Variants in LIX1 observed in about 807,000 individuals in gnomAD.
LIX1 encodes the protein limb and CNS expressed 1.
LIX1 carries 24 observed loss-of-function variants against 33.4 expected under a neutral mutation model. The ratio of observed to expected loss-of-function variants is 0.72; its 90% CI spans 0.52 to 1.01. LIX1 has a LOEUF of 1.01. Ranked by LOEUF, LIX1 falls within the 50% of genes least tolerant of loss-of-function variation. The pLI is 0.00. For missense variants in LIX1, 311 were observed against 339.2 expected (o/e 0.92, Z 0.65); for synonymous variants, 124 against 124.0 (o/e 1.00, Z 0.00).
At position 97,124,639 on chromosome 5, in the gene LIX1, A is replaced by T; in HGVS notation, c.83-10T>A. The T allele has an allele frequency of 6.2e-7, 1 of 1,603,212 alleles. No homozygotes were observed. The highest frequency in any genetic ancestry group is 8.5e-7 in the Non-Finnish European group (1 of 1,173,750). Reference sequence around the variant, plus strand: ...ATTGACACAACGTTCACTGAAAAAGACAAGAAACACCATCAGTTATTAAGG... The same window carrying T: ...ATTGACACAACGTTCACTGAAAAAGTCAAGAAACACCATCAGTTATTAAGG... On this transcript the variant is annotated splice_polypyrimidine_tract_variant and intron_variant, in intron 1 of 5. Coordinates refer to ENST00000274382, the MANE Select transcript of LIX1 (RefSeq NM_153234.5).
intron 1 of LIX1, among the ~76,000 whole-genome samples, chr5:97,131,736 C>T (rs193177381): frequency 6.6e-6 from 1 of 152,342 alleles, no homozygotes; most frequent in East Asian, 1.9e-4. Context: ...TCGACATAGT[C>T]TAAACAGCTT....
intron 1 of LIX1, chr5:97,137,120 C>A (rs1278015889): frequency 2.2e-6 from 1 of 445,714 alleles, no homozygotes; most frequent in Non-Finnish European, 4.5e-6. Context: ...GCATCTGTAT[C>A]CTATTATGGG....
At chr5:97,138,473 A>T (rs1437471191) in intron 1 of LIX1, among the ~76,000 whole-genome samples, 1 of 152,178 alleles carries the variant, frequency 6.6e-6, no homozygotes, top group Admixed American at 6.5e-5. Context: ...AACCAATGTC[A>T]ATATAAACTT....
At chr5:97,130,673 T>C (rs1429860766) in intron 1 of LIX1, among the ~76,000 whole-genome samples, 3 of 152,210 alleles carry the variant, frequency 2.0e-5, no homozygotes, top group Admixed American at 2.0e-4. Context: ...ATCAAATCCC[T>C]TGCTGAGGCA....
intron 1 of LIX1, among the ~76,000 whole-genome samples, chr5:97,140,980 A>G (rs1207465747): frequency 1.3e-5 from 2 of 152,230 alleles, no homozygotes; most frequent in African/African-American, 2.4e-5. Flanking sequence ...AACTTAATGT[A>G]TGCTTTATTG....
In LIX1 at chr5:97,105,201, G is replaced by T; in HGVS notation, c.472C>A (p.Leu158Met). ...AGGCAGGCAGGTACCTGAAACTCCAGCATAGTCTTCCCCATGTTTGACTCC... is the reference window on the plus strand; with the variant it reads ...AGGCAGGCAGGTACCTGAAACTCCATCATAGTCTTCCCCATGTTTGACTCC... ...MLESNMGKTMLEFQELMTIFQ... is the reference protein window; with the variant it reads ...MLESNMGKTMMEFQELMTIFQ... The change falls in exon 4 of 6, where the codon CTG (leucine) becomes ATG (methionine). Residue 158 changes from leucine to methionine, a missense_variant. By Grantham distance (15) the Leu-to-Met change is conservative. Transcript: ENST00000274382. 1 of 1,613,962 alleles carries T rather than the reference G, an allele frequency of 6.2e-7. No individual in the cohort carries two copies. The highest frequency in any genetic ancestry group is 8.5e-7 in the Non-Finnish European group (1 of 1,179,832).
chr5:97,137,117 T>A (rs1261558667), intron 1 of LIX1: 10 of 446,934 alleles, frequency 2.2e-5, no homozygotes, highest in Non-Finnish European at 2.7e-5. Context: ...TATGCATCTG[T>A]ATCCTATTAT....
At chr5:97,102,720 A>G (rs1746775728) in intron 4 of LIX1, among the ~76,000 whole-genome samples, 1 of 150,934 alleles carries the variant, frequency 6.6e-6, no homozygotes, top group African/African-American at 2.4e-5. Flanking sequence ...CTTGGAAGGA[A>G]TTTTAAGACT....
At chr5:97,101,420 T>A (rs1746691624) in intron 4 of LIX1, among the ~76,000 whole-genome samples, 1 of 152,172 alleles carries the variant, frequency 6.6e-6, no homozygotes, top group African/African-American at 2.4e-5. Flanking sequence ...TGCTCTGCTA[T>A]CTTGAAATTC....
chr5:97,105,390 A>G, intron 3 of LIX1, 105 bp from the exon 4 acceptor site: 1 of 843,518 alleles, frequency 1.2e-6, no homozygotes, highest in Non-Finnish European at 1.9e-6. Context: ...TTTTTGGTCT[A>G]ACCTGAACAG....
At chr5:97,103,047 A>G (rs1746802788) in intron 4 of LIX1, 1 of 453,998 alleles carries the variant, frequency 2.2e-6, no homozygotes, top group Admixed American at 2.4e-5. Context: ...GAGTCTCAGA[A>G]TGGACAAGCT....
chr5:97,126,323 T>C (rs1045843760), intron 1 of LIX1, among the ~76,000 whole-genome samples: 1 of 152,188 alleles, frequency 6.6e-6, no homozygotes, highest in Non-Finnish European at 1.5e-5. Context: ...GGCAAAATCA[T>C]TGTATAGCCA....
At chr5:97,140,327 G>T (rs1165621922) in intron 1 of LIX1, among the ~76,000 whole-genome samples, 1 of 152,184 alleles carries the variant, frequency 6.6e-6, no homozygotes, top group South Asian at 2.1e-4. Flanking sequence ...AGGAAAGTAA[G>T]GTAGCAATTT....
Position 97,107,483 on chromosome 5 carries a change from G to T in LIX1, c.264C>A (p.Ala88=), listed in dbSNP as rs536009189. 48 of 1,613,958 alleles carry T rather than the reference G, an allele frequency of 3.0e-5. No individual in the cohort carries two copies. Among genetic ancestry groups the T allele is most frequent in the Non-Finnish European group, 3.9e-5 (46 of 1,179,998 alleles). ...FGNFQCCLSR[A]EARRDAAKVA... The stretch of plus-strand genomic sequence containing the variant: ...CTTTAGCTGCATCCCGCCTGGCCTC[G>T]GCTCTACTTAAGCAGCACTTGAGAA... Residue 88 remains alanine (A), a synonymous_variant, in exon 3 of 6, where the codon GCC becomes GCA. Coordinates refer to ENST00000274382, the MANE Select transcript of LIX1 (RefSeq NM_153234.5).
intron 1 of LIX1, among the ~76,000 whole-genome samples, chr5:97,127,620 G>A (rs867716431): frequency 1.3e-5 from 2 of 152,178 alleles, no homozygotes; most frequent in African/African-American, 2.4e-5. Context: ...TGAAACACAT[G>A]CTTCTTTATT....
chr5:97,133,621 C>T (rs1464312756), intron 1 of LIX1, among the ~76,000 whole-genome samples: 2 of 152,166 alleles, frequency 1.3e-5, no homozygotes, highest in African/African-American at 4.8e-5. Flanking sequence ...GTGCAGAGTT[C>T]AGGGATAGAA....
intron 4 of LIX1, among the ~76,000 whole-genome samples, chr5:97,100,899 A>G (rs1055714900): frequency 6.6e-6 from 1 of 151,302 alleles, no homozygotes; most frequent in African/African-American, 2.4e-5. Flanking sequence ...CTCAGAAAAA[A>G]AAAAAAAAAA....
intron 2 of LIX1, among the ~76,000 whole-genome samples, chr5:97,124,140 C>T (rs1747852559): frequency 6.6e-6 from 1 of 152,002 alleles, no homozygotes; most frequent in South Asian, 2.1e-4. Context: ...ACTTACACTA[C>T]AAAAAAATGA....
At chr5:97,097,498 C>G (rs1746448147) in intron 4 of LIX1, among the ~76,000 whole-genome samples, 1 of 152,106 alleles carries the variant, frequency 6.6e-6, no homozygotes. Context: ...TAGAAGAGTT[C>G]TAGTAAGATA....
Sources: gnomAD v4.1 joint callset for allele counts (sites outside exome capture counted in the v4.1 genomes callset) on GRCh38, gnomAD v4.1.1 for gene constraint, MANE v1.5 for transcripts, NCBI Gene and HGNC (gene_info 2026-07-23, HGNC 2026-07-21) for gene names.